MIA3: variants seen among roughly 807,000 people sequenced by gnomAD.
The protein encoded by MIA3 is transport and Golgi organization protein 1 homolog.
A neutral mutation model predicts 192.4 loss-of-function variants in MIA3; 90 were observed. The ratio of observed to expected loss-of-function variants is 0.47; its 90% CI spans 0.39 to 0.56. MIA3 has a LOEUF of 0.56. Ranked by LOEUF, MIA3 falls within the 20% of genes least tolerant of loss-of-function variation. The pLI, the probability that MIA3 is intolerant of heterozygous loss-of-function variation, is 0.00. For missense variants in MIA3, 2,123 were observed against 2,269.4 expected (o/e 0.94, Z 1.31); for synonymous variants, 740 against 792.8 (o/e 0.93, Z 1.12).
intron 8 of MIA3, chr1:222,649,752 A>G (rs1044744221): frequency 6.3e-6 from 1 of 158,420 alleles, no homozygotes; most frequent in African/African-American, 2.4e-5. Context: ...TGGACAACAG[A>G]GCAAGACCCT....
chr1:222,628,608 A>C lies in MIA3; in HGVS notation c.1388A>C (p.His463Pro). 1.2e-6 allele frequency: 2 copies of C among 1,614,114 alleles called. No individual in the cohort carries two copies. Among genetic ancestry groups the C allele is most frequent in the Non-Finnish European group, 1.7e-6 (2 of 1,180,006 alleles). ...GACAAAGAAGTAAACGCAGAACATC[A>C]CATTAAAGGAAAAGGGAGGGGAGTT... The part of the protein sequence containing the change: ...NNDKEVNAEH[H>P]IKGKGRGVQE... Residue 463 changes from histidine (H) to proline (P), a missense_variant, in exon 4 of 28, where the codon CAC becomes CCC. This residue lies in a region of MIA3 where 1,357 missense variants were observed against 1,396.1 expected (regional missense o/e 0.97). Coordinates refer to ENST00000344922, the MANE Select transcript of MIA3 (RefSeq NM_198551.4).
Position 222,665,560 on chromosome 1 carries a change from C to T in MIA3, c.5665C>T (p.Pro1889Ser). 9.9e-6 allele frequency: 16 copies of T among 1,614,070 alleles called. No homozygotes were observed. Among genetic ancestry groups the T allele is most frequent in the Non-Finnish European group, 1.4e-5 (16 of 1,179,952 alleles). The change falls in exon 28 of 28, where the codon CCA (proline) becomes TCA (serine). Residue 1889 changes from proline to serine, a missense_variant. Pro to Ser is a moderately conservative substitution (Grantham distance 74, BLOSUM62 -1). Coordinates refer to ENST00000344922, the MANE Select transcript of MIA3 (RefSeq NM_198551.4). ...GCCGTCAGGCTCTAGAGATGAGCCT[C>T]CACCTGCCTCTCAGAGCACTAGCCA... ...LLPSGSRDEP[P>S]PASQSTSQDC...
At chr1:222,662,563 A>G (rs1230105552) in intron 26 of MIA3, 28 of 1,153,284 alleles carry the variant, frequency 2.4e-5, no homozygotes, top group Non-Finnish European at 3.1e-5. Context: ...GAACTGGGCT[A>G]TAAGTTGCAT....
At chr1:222,644,744 G>A (rs889227903) in intron 6 of MIA3, among the ~76,000 whole-genome samples, 2 of 152,050 alleles carry the variant, frequency 1.3e-5, no homozygotes, top group Non-Finnish European at 2.9e-5. Flanking sequence ...GGAGGCAGGT[G>A]GGAGTGTGTT....
chr1:222,631,257 G>A (rs149274901), intron 4 of MIA3, among the ~76,000 whole-genome samples: 1 of 152,034 alleles, frequency 6.6e-6, no homozygotes, highest in East Asian at 1.9e-4. Flanking sequence ...AAGTGGCTAG[G>A]ACTACAGGCA....
intron 26 of MIA3, among the ~76,000 whole-genome samples, chr1:222,663,590 G>A (rs890765814): frequency 1.3e-5 from 2 of 152,112 alleles, no homozygotes; most frequent in Non-Finnish European, 2.9e-5. Flanking sequence ...GCTGTTACAT[G>A]GTAGAGAATG....
Position 222,663,886 on chromosome 1 carries a change from C to A in MIA3, c.5263-112C>A, listed in dbSNP as rs1664146071. ...TAGAGTTTTTTGCACTAATTCTGCT[C>A]TTTGGACAAGTGCCTGACATCTGCT... On this transcript the variant is annotated intron_variant, in intron 26 of 27. Coordinates refer to ENST00000344922, the MANE Select transcript of MIA3 (RefSeq NM_198551.4). The A allele has an allele frequency of 4.7e-6, 5 of 1,054,650 alleles. 1 individual carries two copies. The highest frequency in any genetic ancestry group is 4.2e-6 in the Non-Finnish European group (3 of 716,704). The allele number at this position is 1,054,650 out of a possible 1,614,324, so 65.3% of individuals were successfully genotyped here.
At chr1:222,640,677 A>AT (rs1218941786) in intron 6 of MIA3, among the ~76,000 whole-genome samples, 3 of 152,212 alleles carry the variant, frequency 2.0e-5, no homozygotes, top group Admixed American at 2.0e-4. Context: ...TAAGAGAAAA[A>AT]TTTTGTTGAA....
intron 6 of MIA3, among the ~76,000 whole-genome samples, chr1:222,638,796 T>C (rs1157426201): frequency 6.6e-6 from 1 of 151,864 alleles, no homozygotes; most frequent in African/African-American, 2.4e-5. Context: ...GCACTACCTA[T>C]ATTAGAAAAA....
chr1:222,629,370 T>C lies in MIA3; in HGVS notation c.2150T>C (p.Leu717Pro), dbSNP rs569433390. Residue 717 changes from leucine (L) to proline (P), a missense_variant, in exon 4 of 28, where the codon CTT (leucine) becomes CCT (proline). By Grantham distance (98) the Leu-to-Pro change is moderately conservative. This residue lies in a region of MIA3 where 1,357 missense variants were observed against 1,396.1 expected (regional missense o/e 0.97). Coordinates refer to ENST00000344922, the MANE Select transcript of MIA3 (RefSeq NM_198551.4). ...GACAGCACAGGAGGACCAGCTTTCC[T>C]TTCTAAAGTAGAAGAGGATGATTAT... ...QTDSTGGPAF[L>P]SKVEEDDYPS... 93 of 1,614,190 alleles carry C rather than the reference T, an allele frequency of 5.8e-5. 1 individual carries two copies. The South Asian group carries it at 8.5e-4, about 15-fold the overall frequency.
chr1:222,652,877 C>T (rs1289957794), intron 13 of MIA3, 131 bp from the exon 14 acceptor site: 1 of 957,596 alleles, frequency 1.0e-6, no homozygotes, highest in East Asian at 2.6e-5. Flanking sequence ...TCCCACTTAA[C>T]CAAGGTCTTA....
intron 6 of MIA3, among the ~76,000 whole-genome samples, chr1:222,634,867 C>T (rs1662561067): frequency 6.6e-6 from 1 of 152,214 alleles, no homozygotes; most frequent in Non-Finnish European, 1.5e-5. Flanking sequence ...GGGCAAATTA[C>T]TAAACTTTGA....
At chr1:222,659,703 A>G (rs371061589) in intron 21 of MIA3, 31 bp from the exon 22 acceptor site, 17 of 1,613,784 alleles carry the variant, frequency 1.1e-5, no homozygotes, top group Non-Finnish European at 1.4e-5. Flanking sequence ...ATAGTCTCCC[A>G]CAACTGAATT....
At chr1:222,654,524 C>G (rs745488778) in intron 17 of MIA3, 45 bp downstream of exon 17, 1 of 1,565,306 alleles carries the variant, frequency 6.4e-7, no homozygotes, top group East Asian at 2.2e-5. Flanking sequence ...TGGAAAGATA[C>G]AAAATTGCAT....
At chr1:222,641,965 TA>T in intron 6 of MIA3, 1 of 360,828 alleles carries the variant, frequency 2.8e-6, no homozygotes, top group Admixed American at 3.8e-5. Flanking sequence ...ACTCAGCAAT[TA>T]AAAAAAGAAC....
chr1:222,647,976 C>A, intron 7 of MIA3: 1 of 338,950 alleles, frequency 3.0e-6, no homozygotes, highest in Non-Finnish European at 6.4e-6. Context: ...ATTTACTGAG[C>A]TTATGGATGA....
At chr1:222,645,500 T>C in intron 6 of MIA3, 54 bp from the exon 7 acceptor site, 3 of 1,507,556 alleles carry the variant, frequency 2.0e-6, no homozygotes, top group East Asian at 2.4e-5. Flanking sequence ...GACTGCTTTA[T>C]GGTAAGCTTC....
At chr1:222,637,275 G>T (rs142409989) in intron 6 of MIA3, among the ~76,000 whole-genome samples, 267 of 152,296 alleles carry the variant, frequency 1.8e-3, no homozygotes, top group Middle Eastern at 3.4e-3. Context: ...CCTGGGAATT[G>T]ATAGTTGCAT....
rs552729361 is a variant in MIA3 at position 222,622,499 on chromosome 1, G to A, written c.267+1207G>A. The stretch of plus-strand genomic sequence containing the variant: ...AAAATAAGGCTTGAGAAATCCCCTT[G>A]GGGAAAATAGACTGATTTTGTTGGC... On this transcript the variant is annotated intron_variant, in intron 2 of 27. Coordinates refer to ENST00000344922, the MANE Select transcript of MIA3 (RefSeq NM_198551.4). Among the ~76,000 whole-genome samples, 17 of 152,244 alleles carry A rather than the reference G, an allele frequency of 1.1e-4. No individual in the cohort carries two copies. The East Asian group carries it at 2.1e-3, about 19-fold the overall frequency.
Sources: allele counts gnomAD v4.1 joint callset (sites outside exome capture counted in the v4.1 genomes callset), GRCh38; gene constraint gnomAD v4.1.1; regional missense constraint gnomAD v4.1.1; transcripts MANE v1.5; gene names NCBI Gene and HGNC (gene_info 2026-07-23, HGNC 2026-07-21).